The following RHBDD1 variants were observed in gnomAD, a reference collection of about 807,000 sequenced individuals.
RHBDD1 encodes rhomboid-related protein 4.
A neutral mutation model predicts 36.3 loss-of-function variants in RHBDD1; 38 were observed. The ratio of observed to expected loss-of-function variants is 1.05; its 90% CI spans 0.81 to 1.37. The LOEUF is 1.37. RHBDD1 is among the 40% of genes most tolerant of loss of function. The pLI, the probability that RHBDD1 is intolerant of heterozygous loss-of-function variation, is 0.00. For missense variants in RHBDD1, 393 were observed against 377.6 expected, an observed-to-expected ratio of 1.04 and a Z score of -0.34; for synonymous variants, 151 against 136.5, an observed-to-expected ratio of 1.11 and a Z score of -0.74.
intron 5 of RHBDD1, chr2:226,867,679 AAG>A: frequency 2.0e-6 from 2 of 980,932 alleles, no homozygotes; most frequent in Non-Finnish European, 2.4e-6. Flanking sequence ...AAAGATTAAA[AAG>A]CTATAAGGTA....
At position 226,995,731 on chromosome 2, in the gene RHBDD1, T is replaced by A; in HGVS notation, c.*209T>A. ...AGTGGGCCTTCTCCTGGCCTTGTTC[T>A]TGCTCATAAACAGGTCACTTCCTCC... On this transcript the variant is annotated 3_prime_UTR_variant, in exon 9 of 9. Transcript: ENST00000392062. The A allele has an allele frequency of 1.7e-6, 1 of 583,186 alleles. No homozygotes were observed. The highest frequency in any genetic ancestry group is 3.0e-6 in the Non-Finnish European group (1 of 328,596). The allele number at this position is 583,186 out of a possible 1,614,324, so 36.1% of individuals were successfully genotyped here.
At chr2:226,807,825 C>T in the RHBDD1 span, among the ~76,000 whole-genome samples, 3 of 152,108 alleles carry the variant, frequency 2.0e-5, no homozygotes, top group Non-Finnish European at 2.9e-5. Flanking sequence ...CTGGGCTGGG[C>T]GCTGTGACTC....
At chr2:226,870,237 T>G (rs560436479) in intron 5 of RHBDD1, among the ~76,000 whole-genome samples, 209 of 152,318 alleles carry the variant, frequency 1.4e-3, no homozygotes, top group South Asian at 0.013. Flanking sequence ...CCTTCTCTGT[T>G]TGATAAGTCA....
intron 8 of RHBDD1, among the ~76,000 whole-genome samples, chr2:226,945,153 T>C (rs1202675269): frequency 2.7e-5 from 4 of 148,906 alleles, no homozygotes; most frequent in Non-Finnish European, 3.0e-5. Flanking sequence ...CTGATTATTA[T>C]TATTATTATT....
chr2:226,944,081 G>A (rs1480679973), intron 8 of RHBDD1, among the ~76,000 whole-genome samples: 1 of 151,958 alleles, frequency 6.6e-6, no homozygotes, highest in African/African-American at 2.4e-5. Flanking sequence ...ACAGGGGGAA[G>A]TGAAAGACCA....
At chr2:226,801,892 G>A in the RHBDD1 span, among the ~76,000 whole-genome samples, 1 of 152,074 alleles carries the variant, frequency 6.6e-6, no homozygotes, top group Non-Finnish European at 1.5e-5. Flanking sequence ...AAGGCCAAAG[G>A]GCTTTTCACA....
chr2:226,931,499 G>A (rs1950029831), intron 8 of RHBDD1, among the ~76,000 whole-genome samples: 1 of 151,868 alleles, frequency 6.6e-6, no homozygotes, highest in Admixed American at 6.6e-5. Flanking sequence ...AAGGGGAAAG[G>A]GTGAGAAAGG....
intron 8 of RHBDD1, among the ~76,000 whole-genome samples, chr2:226,926,385 G>A (rs1428788719): frequency 1.3e-5 from 2 of 152,026 alleles, no homozygotes; most frequent in African/African-American, 2.4e-5. Context: ...GGTTTTCAAG[G>A]TTCTGATGTT....
upstream of RHBDD1, among the ~76,000 whole-genome samples, chr2:226,832,879 C>T (rs1411647879): frequency 6.6e-6 from 1 of 151,980 alleles, no homozygotes; most frequent in Non-Finnish European, 1.5e-5. Flanking sequence ...GGCATGGTGG[C>T]GGGCACCTGT....
At chr2:226,892,885 T>G (rs1946803716) in intron 5 of RHBDD1, among the ~76,000 whole-genome samples, 2 of 152,030 alleles carry the variant, frequency 1.3e-5, no homozygotes, top group Non-Finnish European at 2.9e-5. Context: ...CAGAGCAACG[T>G]TGCGTAATTT....
chr2:226,941,444 G>T (rs143831470), intron 8 of RHBDD1, among the ~76,000 whole-genome samples: 1 of 152,326 alleles, frequency 6.6e-6, no homozygotes, highest in African/African-American at 2.4e-5. Context: ...GTGATGAAGT[G>T]TGAGAAACAG....
chr2:226,883,895 A>G (rs1945993332), intron 5 of RHBDD1, among the ~76,000 whole-genome samples: 1 of 152,178 alleles, frequency 6.6e-6, no homozygotes, highest in African/African-American at 2.4e-5. Flanking sequence ...TTAATTACAA[A>G]TGTAGCAATT....
chr2:226,939,366 C>T (rs942070537), intron 8 of RHBDD1, among the ~76,000 whole-genome samples: 2 of 152,168 alleles, frequency 1.3e-5, no homozygotes, highest in African/African-American at 4.8e-5. Flanking sequence ...GATCCTATAT[C>T]CAGAAAACTC....
At chr2:226,832,634 G>C (rs981413759), upstream of RHBDD1, among the ~76,000 whole-genome samples, 1 of 152,100 alleles carries the variant, frequency 6.6e-6, no homozygotes, top group Non-Finnish European at 1.5e-5. Context: ...TGAATTTAGG[G>C]CTCTGTTACT....
the RHBDD1 span, among the ~76,000 whole-genome samples, chr2:226,802,953 A>T: frequency 9.4e-4 from 143 of 152,358 alleles, no homozygotes; most frequent in East Asian, 0.01. Flanking sequence ...AGATTATTAC[A>T]TATATCTGTA....
chr2:226,854,525 C>T (rs546574952), intron 3 of RHBDD1, among the ~76,000 whole-genome samples: 3 of 142,598 alleles, frequency 2.1e-5, no homozygotes, highest in African/African-American at 8.0e-5. Flanking sequence ...ACCTGGGAGG[C>T]GGAGGTTGCA....
At chr2:226,960,351 A>G (rs1401694538) in intron 8 of RHBDD1, among the ~76,000 whole-genome samples, 1 of 152,164 alleles carries the variant, frequency 6.6e-6, no homozygotes, top group African/African-American at 2.4e-5. Flanking sequence ...TCTTGTGTTG[A>G]TAAGTCTGTT....
intron 5 of RHBDD1, among the ~76,000 whole-genome samples, chr2:226,893,252 A>T (rs1946836074): frequency 6.6e-6 from 1 of 152,254 alleles, no homozygotes; most frequent in Non-Finnish European, 1.5e-5. Context: ...TCATACCAGT[A>T]GCACATGTTA....
At chr2:226,987,739 G>A (rs904456129) in intron 8 of RHBDD1, among the ~76,000 whole-genome samples, 1 of 152,184 alleles carries the variant, frequency 6.6e-6, no homozygotes, top group African/African-American at 2.4e-5. Context: ...TGGTTGAAGT[G>A]AATTCATTTG....
Sources: allele counts gnomAD v4.1 joint callset (sites outside exome capture counted in the v4.1 genomes callset), GRCh38; gene constraint gnomAD v4.1.1; transcripts MANE v1.5; gene names NCBI Gene and HGNC (gene_info 2026-07-23, HGNC 2026-07-21).